Variants in PHF21A observed in about 807,000 individuals in gnomAD.
PHF21A encodes PHD finger protein 21A, also known as BHC80a.
Under a neutral mutation model 82.5 loss-of-function variants are expected in PHF21A, and 11 were observed. The ratio of observed to expected loss-of-function variants is 0.13; its 90% confidence interval spans 0.08 to 0.22. PHF21A has a LOEUF of 0.22. Among genes scored for constraint, PHF21A ranks in the 10% least tolerant of loss-of-function variants. The pLI is 1.00. For synonymous variants in PHF21A, 297 were observed against 302.8 expected, an observed-to-expected ratio of 0.98 and a Z score of 0.20; for missense variants, 579 against 837.8, an observed-to-expected ratio of 0.69 and a Z score of 3.81.
chr11:45,980,322 C>T (rs1251111852), intron 6 of PHF21A, among the ~76,000 whole-genome samples: 1 of 152,154 alleles, frequency 6.6e-6, no homozygotes, highest in African/African-American at 2.4e-5. Context: ...ACTTCAACTC[C>T]AATTTCAGTT....
At position 46,021,120 on chromosome 11, in the gene PHF21A, C is replaced by T. The variant is rs373392576; in HGVS notation, c.154-41154G>A. Among the ~76,000 whole-genome samples, 11 of 151,924 alleles carry T rather than the reference C, an allele frequency of 7.2e-5. No homozygotes were observed. In the East Asian group the frequency reaches 9.6e-4, roughly 13 times the overall value. On this transcript the variant is annotated intron_variant, in intron 6 of 18. Transcript: ENST00000676320. Reference sequence around the variant, plus strand: ...TACCACTCAGGTGGGAGTGCAGTGGCAGGATCATAGCTCACTGCAGCCTTG... The same window carrying T: ...TACCACTCAGGTGGGAGTGCAGTGGTAGGATCATAGCTCACTGCAGCCTTG...
intron 4 of PHF21A, among the ~76,000 whole-genome samples, chr11:46,080,958 G>A (rs116914034): frequency 0.019 from 2,958 of 152,104 alleles, 56 homozygotes; most frequent in Non-Finnish European, 0.031. Context: ...GCCACCATGC[G>A]CAGCTCTTGC....
chr11:46,064,383 T>A (rs2096570755), intron 6 of PHF21A, among the ~76,000 whole-genome samples: 1 of 152,208 alleles, frequency 6.6e-6, no homozygotes, highest in South Asian at 2.1e-4. Flanking sequence ...AGCAAAGGAA[T>A]GTTTGGTGCT....
At chr11:46,104,518 A>G (rs1486300450) in intron 1 of PHF21A, among the ~76,000 whole-genome samples, 1 of 152,196 alleles carries the variant, frequency 6.6e-6, no homozygotes, top group Admixed American at 6.5e-5. Context: ...TATTTTTCCC[A>G]GAGGTATTCA....
intron 6 of PHF21A, 74 bp downstream of exon 6, chr11:46,076,680 C>A: frequency 8.3e-7 from 1 of 1,198,290 alleles, no homozygotes; most frequent in Non-Finnish European, 1.2e-6. Context: ...AATAGCAGTT[C>A]TCTTAGAAGC....
intron 6 of PHF21A, among the ~76,000 whole-genome samples, chr11:46,004,678 T>C (rs1427818499): frequency 6.6e-6 from 1 of 152,170 alleles, no homozygotes; most frequent in Non-Finnish European, 1.5e-5. Context: ...CTATTACTTT[T>C]TCATAGCACT....
chr11:46,106,857 A>G (rs2097157929), intron 1 of PHF21A, among the ~76,000 whole-genome samples: 3 of 152,202 alleles, frequency 2.0e-5, no homozygotes, highest in African/African-American at 4.8e-5. Context: ...AGTAAGGTTT[A>G]TATTTCTGTC....
intron 6 of PHF21A, among the ~76,000 whole-genome samples, chr11:46,032,422 A>T (rs2095884101): frequency 6.6e-6 from 1 of 152,186 alleles, no homozygotes; most frequent in South Asian, 2.1e-4. Flanking sequence ...TTTCCATGTG[A>T]AAATCAGTAT....
chr11:46,064,201 G>T (rs544171267), intron 6 of PHF21A, among the ~76,000 whole-genome samples: 1 of 152,112 alleles, frequency 6.6e-6, no homozygotes, highest in Non-Finnish European at 1.5e-5. Flanking sequence ...ACTGTTCATA[G>T]GGAAAATTAA....
Position 45,967,561 on chromosome 11 carries a change from T to C in PHF21A, c.703-1953A>G, listed in dbSNP as rs1356120694. The stretch of plus-strand genomic sequence containing the variant: ...TGGGCATAAGGCTTCTATGCCAAGG[T>C]GGCTTTCCCACTGTCTTAGATAAGG... On this transcript the variant is annotated intron_variant, in intron 9 of 18. Coordinates refer to ENST00000676320, the MANE Select transcript of PHF21A (RefSeq NM_001352027.3). Among the ~76,000 whole-genome samples the C allele has an allele frequency of 2.6e-5, 4 of 152,184 alleles. No homozygotes were observed. The East Asian group carries it at 7.7e-4, about 29-fold the overall frequency.
intron 6 of PHF21A, among the ~76,000 whole-genome samples, chr11:46,071,338 G>C (rs1285663149): frequency 6.6e-6 from 1 of 152,200 alleles, no homozygotes; most frequent in African/African-American, 2.4e-5. Flanking sequence ...CCTGCAGCCT[G>C]AAAGGCAAGT....
chr11:46,023,173 T>A (rs2095664790), intron 6 of PHF21A, among the ~76,000 whole-genome samples: 1 of 152,202 alleles, frequency 6.6e-6, no homozygotes, highest in African/African-American at 2.4e-5. Flanking sequence ...GGAATTTGTA[T>A]TATTTGGTCT....
chr11:46,103,207 C>A (rs2097117528), intron 1 of PHF21A, among the ~76,000 whole-genome samples: 1 of 152,198 alleles, frequency 6.6e-6, no homozygotes, highest in African/African-American at 2.4e-5. Flanking sequence ...GAATCTCTTT[C>A]TAACACATAT....
At chr11:46,050,557 A>T (rs2096342989) in intron 6 of PHF21A, among the ~76,000 whole-genome samples, 1 of 152,196 alleles carries the variant, frequency 6.6e-6, no homozygotes, top group African/African-American at 2.4e-5. Flanking sequence ...TACTGATATA[A>T]GCATCTCTGG....
intron 6 of PHF21A, 25 bp downstream of exon 6, chr11:46,076,729 A>G: frequency 1.3e-6 from 2 of 1,585,990 alleles, no homozygotes; most frequent in East Asian, 2.2e-5. Context: ...CGTTAAAAAT[A>G]TGCCCCCCTC....
intron 1 of PHF21A, among the ~76,000 whole-genome samples, chr11:46,107,969 G>A (rs1349532898): frequency 6.6e-6 from 1 of 152,156 alleles, no homozygotes; most frequent in Non-Finnish European, 1.5e-5. Context: ...ATGAAGTTGT[G>A]AAGACCAGGA....
chr11:45,958,672 T>G (rs116710419), intron 10 of PHF21A, among the ~76,000 whole-genome samples: 2 of 151,838 alleles, frequency 1.3e-5, no homozygotes, highest in South Asian at 4.2e-4. Flanking sequence ...TCCCAACACT[T>G]TGGGAAGCCA....
chr11:45,946,042 G>A, intron 14 of PHF21A, 39 bp from the exon 15 acceptor site: 1 of 1,614,106 alleles, frequency 6.2e-7, no homozygotes. Context: ...GAAAAACGGG[G>A]AGGGAAAGAG....
At chr11:45,984,107 C>A (rs997849852) in intron 6 of PHF21A, among the ~76,000 whole-genome samples, 4 of 152,026 alleles carry the variant, frequency 2.6e-5, no homozygotes, top group Non-Finnish European at 5.9e-5. Context: ...ATTTCACAAA[C>A]TGGCCATTCA....
Sources: gnomAD v4.1 joint callset for allele counts (sites outside exome capture counted in the v4.1 genomes callset) on GRCh38, gnomAD v4.1.1 for gene constraint, MANE v1.5 for transcripts, NCBI Gene and HGNC (gene_info 2026-07-23, HGNC 2026-07-21) for gene names.